Variants in PCDH10 observed in about 807,000 individuals in gnomAD.
PCDH10 encodes the protein protocadherin 10.
In PCDH10, 15 loss-of-function variants were observed where a neutral mutation model predicts 74.4. The observed-to-expected ratio is 0.20, with a 90% CI of 0.13 to 0.31. PCDH10 has a LOEUF of 0.31. PCDH10 is among the 10% of genes least tolerant of loss of function. The pLI is 1.00. For missense variants in PCDH10, 1,260 were observed against 1,390.2 expected (o/e 0.91, Z 1.49); for synonymous variants, 619 against 589.8 (o/e 1.05, Z -0.72).
chr4:133,178,010 A>G (rs913268250), intron 4 of PCDH10, among the ~76,000 whole-genome samples: 3 of 152,178 alleles, frequency 2.0e-5, no homozygotes, highest in African/African-American at 7.2e-5. Context: ...AGGAAAGTGC[A>G]TGAACCAAAA....
rs183933396 is a variant in PCDH10 at position 133,191,507 on chromosome 4, A to T, written c.*1347A>T. 1 of 152,328 alleles carries T rather than the reference A, an allele frequency of 6.6e-6. No homozygotes were observed. 9.4% of individuals were successfully genotyped at this position (152,328 alleles called of 1,614,324 possible). A position where few individuals can be genotyped will look rare whatever the true frequency, so the allele number is the denominator to read the frequency against. ...TTAATGAAAAAATTCTTCATGAGTC[A>T]GCCTTCAAAAGTTAAGCTTGCCTTT... On this transcript the variant is annotated 3_prime_UTR_variant, in exon 5 of 5. Transcript: ENST00000264360.
intron 3 of PCDH10, among the ~76,000 whole-genome samples, chr4:133,159,106 T>A (rs1163233384): frequency 6.6e-6 from 1 of 152,054 alleles, no homozygotes; most frequent in Non-Finnish European, 1.5e-5. Context: ...TTTTATATCT[T>A]CTTTAAAATT....
intron 4 of PCDH10, among the ~76,000 whole-genome samples, chr4:133,178,904 T>A (rs1578571685): frequency 2.0e-5 from 2 of 100,716 alleles, no homozygotes; most frequent in South Asian, 3.5e-4. Context: ...TCATTAAATG[T>A]TATGGAAAAA....
rs1018532204 is a variant in PCDH10, at chr4:133,191,420, G to A, written c.*1260G>A. ...AAATAAATTTAGAGATAGAATCATG[G>A]TACATTATTGTTTCAGTATTCCATG... On this transcript the variant is annotated 3_prime_UTR_variant, in exon 5 of 5. Coordinates refer to ENST00000264360, the MANE Select transcript of PCDH10 (RefSeq NM_032961.3). 1 of 152,076 alleles carries A rather than the reference G, an allele frequency of 6.6e-6. No individual in the cohort carries two copies. The highest frequency in any genetic ancestry group is 1.5e-5 in the Non-Finnish European group (1 of 67,756). The allele number at this position is 152,076 out of a possible 1,614,324, so 9.4% of individuals were successfully genotyped here.
chr4:133,188,435 T>C (rs923315894), intron 4 of PCDH10, among the ~76,000 whole-genome samples: 5 of 152,142 alleles, frequency 3.3e-5, no homozygotes, highest in Admixed American at 6.6e-5. Flanking sequence ...AAATAGGATT[T>C]CATTCTATTA....
intron 3 of PCDH10, among the ~76,000 whole-genome samples, chr4:133,157,303 G>T (rs562977750): frequency 7.1e-4 from 108 of 152,248 alleles, no homozygotes; most frequent in African/African-American, 2.6e-3. Flanking sequence ...AACCTCAAAT[G>T]CAGAGAATTA....
downstream of PCDH10, among the ~76,000 whole-genome samples, chr4:133,199,126 A>AT (rs991899507): frequency 1.3e-5 from 2 of 151,468 alleles, no homozygotes; most frequent in African/African-American, 4.9e-5. Flanking sequence ...TACAAAAAAA[A>AT]TTTTTAAAAA....
intron 4 of PCDH10, among the ~76,000 whole-genome samples, chr4:133,165,213 G>A (rs2125864234): frequency 6.6e-6 from 1 of 150,972 alleles, no homozygotes; most frequent in South Asian, 2.1e-4. Context: ...GTGACCTGTG[G>A]TGGAAAATTT....
At position 133,192,221 on chromosome 4, in the gene PCDH10, C is replaced by T. The variant is rs964479172; in HGVS notation, c.*2061C>T. 6.6e-6 allele frequency: 1 copy of T among 151,558 alleles called. No individual in the cohort carries two copies. The highest frequency in any genetic ancestry group is 1.5e-5 in the Non-Finnish European group (1 of 67,632). The allele number at this position is 151,558 out of a possible 1,614,324, so 9.4% of individuals were successfully genotyped here. On this transcript the variant is annotated 3_prime_UTR_variant, in exon 5 of 5. Transcript: ENST00000264360. ...AGTGCAGCAGTAACATTTTCTTAAA[C>T]TTTGGCATTACTACATTAATATTTT...
chr4:133,162,654 C>T (rs10084852), intron 3 of PCDH10, among the ~76,000 whole-genome samples: 140,270 of 152,254 alleles, frequency 0.92, 64,646 homozygotes, highest in Middle Eastern at 0.97. Context: ...AGATGTCTAC[C>T]ATTTTTATTC....
intron 4 of PCDH10, among the ~76,000 whole-genome samples, chr4:133,176,782 T>C (rs1727304915): frequency 6.6e-6 from 1 of 152,096 alleles, no homozygotes; most frequent in Non-Finnish European, 1.5e-5. Flanking sequence ...ATTATAACTT[T>C]TAAAAGTTCA....
intron 4 of PCDH10, among the ~76,000 whole-genome samples, chr4:133,180,409 C>T (rs1727391462): frequency 6.6e-6 from 1 of 151,898 alleles, no homozygotes; most frequent in Non-Finnish European, 1.5e-5. Context: ...ATGTATATGG[C>T]ATTCTTACTT....
rs1271283104 is a variant in PCDH10, at chr4:133,149,984, C to G, written c.-157C>G. The G allele has an allele frequency of 2.6e-5, 28 of 1,082,920 alleles. No individual in the cohort carries two copies. Among genetic ancestry groups the G allele is most frequent in the Non-Finnish European group, 3.5e-5 (28 of 810,770 alleles). The allele number at this position is 1,082,920 out of a possible 1,614,324, so 67.1% of individuals were successfully genotyped here. On this transcript the variant is annotated 5_prime_UTR_variant, in exon 1 of 5. Coordinates refer to ENST00000264360, the MANE Select transcript of PCDH10 (RefSeq NM_032961.3). ...GATTGCGGGAAGCTCTAAAATGAAG[C>G]AAAAGGAGTAAGATTTTTAAAGACA...
intron 4 of PCDH10, among the ~76,000 whole-genome samples, chr4:133,184,978 T>A (rs1727512948): frequency 6.8e-6 from 1 of 148,112 alleles, no homozygotes; most frequent in Non-Finnish European, 1.5e-5. Context: ...GATTTAATCA[T>A]ACTTACTTCT....
chr4:133,181,296 A>C (rs1727410892), intron 4 of PCDH10, among the ~76,000 whole-genome samples: 1 of 152,072 alleles, frequency 6.6e-6, no homozygotes, highest in Admixed American at 6.6e-5. Context: ...AGTTTTTTTT[A>C]TCTTTCTGAA....
downstream of PCDH10, among the ~76,000 whole-genome samples, chr4:133,196,296 G>T (rs1205067709): frequency 6.6e-6 from 1 of 152,250 alleles, no homozygotes; most frequent in East Asian, 1.9e-4. Context: ...GATTTGGTGG[G>T]TGGGGGGACC....
intron 2 of PCDH10, among the ~76,000 whole-genome samples, chr4:133,203,462 G>A (rs1727944276): frequency 6.6e-6 from 1 of 152,120 alleles, no homozygotes; most frequent in South Asian, 2.1e-4. Flanking sequence ...CTTAAGTTGG[G>A]TTTTAAATAA....
At chr4:133,198,983 G>T (rs2420155), downstream of PCDH10, among the ~76,000 whole-genome samples, 141,522 of 152,082 alleles carry the variant, frequency 0.93, 65,852 homozygotes, top group Admixed American at 0.96. Flanking sequence ...TAATTTAGAT[G>T]TAGCAAGATA....
intron 4 of PCDH10, among the ~76,000 whole-genome samples, chr4:133,176,797 C>A (rs1009326359): frequency 3.9e-5 from 6 of 151,958 alleles, no homozygotes; most frequent in Non-Finnish European, 8.8e-5. Flanking sequence ...AGTTCATATT[C>A]TCATTATTTT....
Sources: gnomAD v4.1 joint callset for allele counts (sites outside exome capture counted in the v4.1 genomes callset) on GRCh38, gnomAD v4.1.1 for gene constraint, MANE v1.5 for transcripts, NCBI Gene and HGNC (gene_info 2026-07-23, HGNC 2026-07-21) for gene names.